The following MALL variants were observed in gnomAD, a reference collection of about 807,000 sequenced individuals.
The protein encoded by MALL is MAL-like protein.
MALL carries 2 observed loss-of-function variants against 10.3 expected under a neutral mutation model. That is an observed-to-expected ratio of 0.19 (90% CI 0.08 to 0.61). The LOEUF (loss-of-function observed/expected upper bound fraction) is 0.61. Among genes scored for constraint, MALL ranks in the 20% least tolerant of loss-of-function variants. MALL has a pLI of 0.88. For synonymous variants in MALL, 27 were observed against 51.8 expected, an observed-to-expected ratio of 0.52 and a Z score of 2.05; for missense variants, 39 against 115.2, an observed-to-expected ratio of 0.34 and a Z score of 3.03.
chr2:110,115,863 C>T (rs9752730), upstream of MALL: 8,402 of 607,376 alleles, frequency 0.014, 550 homozygotes, highest in African/African-American at 0.14. Flanking sequence ...ACCTCCTGCC[C>T]GACACACCCA....
At chr2:110,114,162 C>T (rs1280818821) in intron 1 of MALL, among the ~76,000 whole-genome samples, 2 of 152,056 alleles carry the variant, frequency 1.3e-5, no homozygotes, top group Admixed American at 6.5e-5. Flanking sequence ...CTCCCCTGGC[C>T]TCTAGGCCTT....
At chr2:110,105,366 C>T (rs1174861394) in intron 1 of MALL, among the ~76,000 whole-genome samples, 4 of 152,322 alleles carry the variant, frequency 2.6e-5, no homozygotes, top group Non-Finnish European at 5.9e-5. Context: ...CAGCCCAAGG[C>T]CTTCCCTTTC....
chr2:110,096,229 C>T (rs1678437293), intron 1 of MALL, among the ~76,000 whole-genome samples: 7 of 152,084 alleles, frequency 4.6e-5, no homozygotes, highest in Admixed American at 4.6e-4. Context: ...CGTTGTTCCC[C>T]AGGTGGGGTG....
chr2:110,107,462 G>T (rs1278328110), intron 1 of MALL, among the ~76,000 whole-genome samples: 1 of 152,072 alleles, frequency 6.6e-6, no homozygotes, highest in Non-Finnish European at 1.5e-5. Flanking sequence ...AGCAGAAGCA[G>T]CCATAATCTT....
chr2:110,107,086 G>C (rs989849256), intron 1 of MALL, among the ~76,000 whole-genome samples: 1 of 144,880 alleles, frequency 6.9e-6, no homozygotes, highest in Admixed American at 6.8e-5. Flanking sequence ...GGGCAGGGTA[G>C]GGGGTGCACC....
chr2:110,102,823 C>T (rs908532204), intron 1 of MALL, among the ~76,000 whole-genome samples: 4 of 152,138 alleles, frequency 2.6e-5, no homozygotes, highest in Non-Finnish European at 4.4e-5. Flanking sequence ...CTGACCCCAT[C>T]GGCACCCCTT....
chr2:110,117,632 A>T (rs887093420), upstream of MALL, among the ~76,000 whole-genome samples: 9,653 of 105,956 alleles, frequency 0.091, 357 homozygotes, highest in African/African-American at 0.15. Flanking sequence ...TGTGAGAGAG[A>T]GAGAGAGAGA....
At chr2:110,102,304 G>T (rs796202253) in intron 1 of MALL, among the ~76,000 whole-genome samples, 3 of 152,206 alleles carry the variant, frequency 2.0e-5, no homozygotes, top group African/African-American at 7.2e-5. Context: ...CCTCCTCCAG[G>T]AAGCCACCCT....
intron 1 of MALL, among the ~76,000 whole-genome samples, chr2:110,104,965 G>A (rs1378178269): frequency 5.9e-5 from 9 of 152,152 alleles, no homozygotes; most frequent in Non-Finnish European, 7.3e-5. Flanking sequence ...TCCAATGACC[G>A]CCAATGCTAA....
At chr2:110,098,927 G>A (rs770744912) in intron 1 of MALL, among the ~76,000 whole-genome samples, 3 of 152,032 alleles carry the variant, frequency 2.0e-5, no homozygotes, top group East Asian at 1.9e-4. Context: ...ACTTGAGCCC[G>A]GGAGGCAGAC....
chr2:110,114,450 G>A lies in MALL; in HGVS notation c.105+1238C>T, dbSNP rs1678866918. 1.3e-5 allele frequency among the ~76,000 whole-genome samples: 2 copies of A among 151,858 alleles called. 1 individual carries two copies. Among genetic ancestry groups the A allele is most frequent in the Admixed American group, 1.3e-4 (2 of 15,264 alleles). ...CAGTACCCCAGCCACCCATGCAGCTGCTCCAAGGTGAGGGGCACACCCAGG... is the reference window on the plus strand; with the variant it reads ...CAGTACCCCAGCCACCCATGCAGCTACTCCAAGGTGAGGGGCACACCCAGG... On this transcript the variant is annotated intron_variant, in intron 1 of 3. Transcript: ENST00000272462.
chr2:110,097,938 G>C (rs770812043), intron 1 of MALL, among the ~76,000 whole-genome samples: 1 of 151,990 alleles, frequency 6.6e-6, no homozygotes, highest in Non-Finnish European at 1.5e-5. Context: ...GAGAGAAAAA[G>C]ACCCCAGTCA....
At chr2:110,096,710 TACACACACACACACAC>T (rs61332655) in intron 1 of MALL, among the ~76,000 whole-genome samples, 16 of 140,964 alleles carry the variant, frequency 1.1e-4, no homozygotes, top group Admixed American at 5.0e-4. Flanking sequence ...AAAATGTACC[TACACACACACACACAC>T]ACACACACAC....
chr2:110,095,634 A>G (rs1273768979), intron 1 of MALL, among the ~76,000 whole-genome samples: 1 of 152,136 alleles, frequency 6.6e-6, no homozygotes, highest in Non-Finnish European at 1.5e-5. Context: ...TGCATTTTAA[A>G]TTTAACGATG....
At chr2:110,099,862 C>A (rs182942254) in intron 1 of MALL, among the ~76,000 whole-genome samples, 4 of 152,226 alleles carry the variant, frequency 2.6e-5, no homozygotes, top group African/African-American at 7.2e-5. Context: ...ATGACACGAC[C>A]GAGCTGCTGA....
intron 1 of MALL, 151 bp downstream of exon 1, chr2:110,115,537 C>CCCG (rs1553478741): frequency 2.3e-6 from 1 of 430,246 alleles, no homozygotes; most frequent in African/African-American, 2.1e-5. Flanking sequence ...GGCCGGTCTC[C>CCCG]CCCCCCCTCT....
At chr2:110,116,035 G>A (rs963081620), upstream of MALL, 2 of 382,092 alleles carry the variant, frequency 5.2e-6, no homozygotes, top group Admixed American at 4.5e-5. Context: ...AGCAGAGCGG[G>A]AGTCTCCTCC....
At chr2:110,101,476 G>T (rs1678563202) in intron 1 of MALL, among the ~76,000 whole-genome samples, 1 of 152,190 alleles carries the variant, frequency 6.6e-6, no homozygotes, top group South Asian at 2.1e-4. Context: ...GGATAACAGT[G>T]TTGGCAGGAA....
chr2:110,112,299 C>T (rs2104395036), intron 1 of MALL, among the ~76,000 whole-genome samples: 1 of 152,180 alleles, frequency 6.6e-6, no homozygotes, highest in South Asian at 2.1e-4. Flanking sequence ...AACAGATAAC[C>T]CACAGAGTGG....
Sources: gnomAD v4.1 joint callset for allele counts (sites outside exome capture counted in the v4.1 genomes callset) on GRCh38, gnomAD v4.1.1 for gene constraint, MANE v1.5 for transcripts, NCBI Gene and HGNC (gene_info 2026-07-23, HGNC 2026-07-21) for gene names.